Variants in ARB2A observed in about 807,000 individuals in gnomAD.
The protein encoded by ARB2A is ARB2 cotranscriptional regulator A.
chr5:93,844,250 C>T, the ARB2A span, among the ~76,000 whole-genome samples: 4 of 152,126 alleles, frequency 2.6e-5, no homozygotes, highest in South Asian at 8.3e-4. Context: ...TCAAGACCAG[C>T]CTGGCCAACA....
chr5:93,916,873 T>C, the ARB2A span, among the ~76,000 whole-genome samples: 1 of 151,914 alleles, frequency 6.6e-6, no homozygotes, highest in African/African-American at 2.4e-5. Flanking sequence ...ATACAGGTAA[T>C]AACAAGGACA....
the ARB2A span, among the ~76,000 whole-genome samples, chr5:93,871,232 G>A: frequency 6.6e-6 from 1 of 152,078 alleles, no homozygotes; most frequent in East Asian, 1.9e-4. Context: ...TTAATGGGTA[G>A]GATTTTTTTA....
the ARB2A span, among the ~76,000 whole-genome samples, chr5:93,658,174 C>G: frequency 1.3e-5 from 2 of 152,108 alleles, no homozygotes; most frequent in African/African-American, 2.4e-5. Flanking sequence ...ACATGGTCAA[C>G]TTAAGACTCT....
chr5:93,911,054 T>G, the ARB2A span: 1 of 151,630 alleles, frequency 6.6e-6, no homozygotes, highest in African/African-American at 2.4e-5. Context: ...CTCTCATTGT[T>G]GTTTAACATT....
the ARB2A span, among the ~76,000 whole-genome samples, chr5:94,039,592 G>A: frequency 6.6e-6 from 1 of 152,182 alleles, no homozygotes; most frequent in Non-Finnish European, 1.5e-5. Context: ...CCTCAGGGCT[G>A]TTCTGTCTGT....
At chr5:93,875,702 T>C in the ARB2A span, among the ~76,000 whole-genome samples, 163 of 152,226 alleles carry the variant, frequency 1.1e-3, 1 homozygote, top group African/African-American at 3.4e-3. Flanking sequence ...GAATGTATTA[T>C]AGAAAACATT....
chr5:93,813,068 T>C, the ARB2A span, among the ~76,000 whole-genome samples: 2 of 152,162 alleles, frequency 1.3e-5, no homozygotes, highest in Non-Finnish European at 2.9e-5. Flanking sequence ...ATCCCAACCA[T>C]GTTAACACCC....
chr5:93,983,596 A>C, the ARB2A span, among the ~76,000 whole-genome samples: 1 of 152,216 alleles, frequency 6.6e-6, no homozygotes, highest in South Asian at 2.1e-4. Context: ...TGACATAGTT[A>C]GAAAATCAAT....
the ARB2A span, among the ~76,000 whole-genome samples, chr5:93,661,929 G>A: frequency 6.6e-6 from 1 of 152,134 alleles, no homozygotes; most frequent in Non-Finnish European, 1.5e-5. Context: ...AGAGTAAGGG[G>A]AAGAAGCTGG....
chr5:94,058,361 G>A, the ARB2A span, among the ~76,000 whole-genome samples: 1 of 152,000 alleles, frequency 6.6e-6, no homozygotes, highest in Non-Finnish European at 1.5e-5. Context: ...GATAAGGCAT[G>A]TAAAAAGGTA....
chr5:93,881,652 T>A, the ARB2A span: 153 of 1,597,006 alleles, frequency 9.6e-5, no homozygotes, highest in Non-Finnish European at 1.2e-4. Context: ...TCAATATAGT[T>A]TTCATTGGGA....
At chr5:93,691,216 T>C in the ARB2A span, among the ~76,000 whole-genome samples, 8 of 151,970 alleles carry the variant, frequency 5.3e-5, no homozygotes, top group African/African-American at 1.7e-4. Flanking sequence ...AGATGGATAA[T>C]AACAAACTCC....
the ARB2A span, among the ~76,000 whole-genome samples, chr5:94,101,702 C>T: frequency 4.6e-5 from 7 of 152,122 alleles, no homozygotes; most frequent in Admixed American, 4.6e-4. Flanking sequence ...AAAACAAATA[C>T]TGACTGCATG....
At chr5:94,091,314 A>C in the ARB2A span, among the ~76,000 whole-genome samples, 1 of 152,234 alleles carries the variant, frequency 6.6e-6, no homozygotes, top group Non-Finnish European at 1.5e-5. Context: ...AAACTTCACC[A>C]TTACAATCAC....
chr5:93,970,378 A>G, the ARB2A span, among the ~76,000 whole-genome samples: 2 of 152,172 alleles, frequency 1.3e-5, no homozygotes, highest in African/African-American at 2.4e-5. Context: ...TCAACCAAAT[A>G]AAATCTTAGA....
the ARB2A span, among the ~76,000 whole-genome samples, chr5:93,835,940 G>T: frequency 6.6e-6 from 1 of 152,212 alleles, no homozygotes; most frequent in Non-Finnish European, 1.5e-5. Flanking sequence ...CAAATGGAAG[G>T]TAGATAGTCT....
the ARB2A span, among the ~76,000 whole-genome samples, chr5:94,076,296 C>T: frequency 6.6e-6 from 1 of 152,186 alleles, no homozygotes; most frequent in Non-Finnish European, 1.5e-5. Context: ...AATGTAGCTA[C>T]TTTTCACTGG....
At chr5:94,092,008 C>G in the ARB2A span, among the ~76,000 whole-genome samples, 2 of 152,034 alleles carry the variant, frequency 1.3e-5, no homozygotes, top group African/African-American at 4.8e-5. Flanking sequence ...TGAACTATGA[C>G]TTTCTTATAC....
At chr5:93,985,568 C>T in the ARB2A span, among the ~76,000 whole-genome samples, 2 of 152,156 alleles carry the variant, frequency 1.3e-5, no homozygotes, top group African/African-American at 4.8e-5. Context: ...GGATTGCAGG[C>T]GCGCGCCGCC....
Sources: gnomAD v4.1 joint callset for allele counts (sites outside exome capture counted in the v4.1 genomes callset) on GRCh38, gnomAD v4.1.1 for gene constraint, MANE v1.5 for transcripts, NCBI Gene and HGNC (gene_info 2026-07-23, HGNC 2026-07-21) for gene names.